ATF7IP: variants seen among roughly 807,000 people sequenced by gnomAD.
The protein encoded by ATF7IP is activating transcription factor 7 interacting protein.
In ATF7IP, 23 loss-of-function variants were observed where a neutral mutation model predicts 106.4. The observed-to-expected ratio is 0.22, with a 90% CI of 0.16 to 0.31. The LOEUF is 0.31. ATF7IP is among the 10% of genes least tolerant of loss of function. The pLI is 1.00. For missense variants in ATF7IP, 1,334 were observed against 1,524.3 expected (o/e 0.88, Z 2.08); for synonymous variants, 542 against 539.0 (o/e 1.01, Z -0.08).
chr12:14,446,356 C>T (rs765893972), intron 5 of ATF7IP, among the ~76,000 whole-genome samples: 6 of 152,232 alleles, frequency 3.9e-5, no homozygotes, highest in Non-Finnish European at 7.4e-5. Context: ...CCATTTTGGC[C>T]AGGCTGGTCT....
chr12:14,385,746 T>C (rs780760764), intron 1 of ATF7IP, among the ~76,000 whole-genome samples: 1 of 152,112 alleles, frequency 6.6e-6, no homozygotes, highest in East Asian at 1.9e-4. Flanking sequence ...ATTATCTGAA[T>C]AGATTTTTTT....
chr12:14,433,634 C>T (rs957954938), intron 2 of ATF7IP, among the ~76,000 whole-genome samples: 1 of 151,268 alleles, frequency 6.6e-6, no homozygotes, highest in African/African-American at 2.4e-5. Flanking sequence ...CGCCCCACTG[C>T]ACTCCAGCCT....
chr12:14,413,936 TA>T (rs1941062130), intron 1 of ATF7IP, among the ~76,000 whole-genome samples: 1 of 152,180 alleles, frequency 6.6e-6, no homozygotes, highest in African/African-American at 2.4e-5. Context: ...TATTTCATAA[TA>T]AAAAATTATA....
chr12:14,476,189 G>A (rs1228456495), intron 11 of ATF7IP: 9 of 408,122 alleles, frequency 2.2e-5, no homozygotes, highest in East Asian at 4.9e-5. Flanking sequence ...CAGGAGGATC[G>A]AGGCAAGAGG....
chr12:14,405,191 GT>G (rs1940493670), intron 1 of ATF7IP, among the ~76,000 whole-genome samples: 1 of 151,758 alleles, frequency 6.6e-6, no homozygotes. Flanking sequence ...TATCAAAAGT[GT>G]AAGTTTCTTT....
chr12:14,376,966 C>T (rs1046143941), intron 1 of ATF7IP, among the ~76,000 whole-genome samples: 1 of 151,856 alleles, frequency 6.6e-6, no homozygotes, highest in African/African-American at 2.4e-5. Context: ...CCCTGTCATA[C>T]CTAATTAAAG....
chr12:14,478,459 C>G lies in ATF7IP; in HGVS notation c.3084C>G (p.His1028Gln), dbSNP rs1170477878. The change falls in exon 12 of 15, where the codon CAC (histidine) becomes CAG (glutamine). Residue 1028 changes from histidine (H) to glutamine (Q), a missense_variant. Physicochemically the swap from His to Gln is conservative, Grantham distance 24. Transcript: ENST00000261168. ...PTSGPSQTTIHLLPTAPTTVN... is the reference protein window; with the variant it reads ...PTSGPSQTTIQLLPTAPTTVN... ...GTGGACCATCTCAGACCACCATACA[C>G]TTACTACCTACAGGTAAATTTGTTG... 2 of 1,613,994 alleles carry G rather than the reference C, an allele frequency of 1.2e-6. No individual in the cohort carries two copies. The highest frequency in any genetic ancestry group is 1.7e-6 in the Non-Finnish European group (2 of 1,179,908).
At chr12:14,415,587 ACAGG>A (rs1438369707) in intron 1 of ATF7IP, among the ~76,000 whole-genome samples, 1 of 152,130 alleles carries the variant, frequency 6.6e-6, no homozygotes, top group African/African-American at 2.4e-5. Flanking sequence ...TTGGTCGGTG[ACAGG>A]CAGAGGGGTT....
At chr12:14,469,549 A>G (rs1943961261) in intron 10 of ATF7IP, among the ~76,000 whole-genome samples, 1 of 151,950 alleles carries the variant, frequency 6.6e-6, no homozygotes, top group Non-Finnish European at 1.5e-5. Context: ...TTTTATTACT[A>G]TATATCATTT....
chr12:14,390,081 C>T lies in ATF7IP; in HGVS notation c.-8+24254C>T, dbSNP rs12299747. On this transcript the variant is annotated intron_variant, in intron 1 of 14. Transcript: ENST00000261168. ...TCAGATAGGGCCTTCTCTTGCCCAC[C>T]TCTGGTCCTCTTCACTGAATCACGT... Among the ~76,000 whole-genome samples the T allele has an allele frequency of 5.9e-3, 904 of 152,326 alleles. 9 individuals carry two copies. Among genetic ancestry groups the T allele is most frequent in the African/African-American group, 0.02 (824 of 41,570 alleles).
chr12:14,385,465 A>G, intron 1 of ATF7IP: 1 of 1,429,524 alleles, frequency 7.0e-7, no homozygotes, highest in Admixed American at 2.1e-5. Context: ...AAGGAATTTA[A>G]CTGAGTTTAC....
intron 9 of ATF7IP, among the ~76,000 whole-genome samples, chr12:14,465,124 G>A (rs529452308): frequency 6.6e-6 from 1 of 152,188 alleles, no homozygotes; most frequent in Non-Finnish European, 1.5e-5. Flanking sequence ...GCTGAGACGT[G>A]AGAATCTCGA....
intron 13 of ATF7IP, among the ~76,000 whole-genome samples, chr12:14,489,027 C>G (rs908356106): frequency 1.3e-5 from 2 of 152,174 alleles, no homozygotes; most frequent in African/African-American, 2.4e-5. Context: ...TTCTACTACC[C>G]ATTCTGTATT....
At chr12:14,415,797 C>A (rs1040895979) in intron 1 of ATF7IP, among the ~76,000 whole-genome samples, 1 of 151,176 alleles carries the variant, frequency 6.6e-6, no homozygotes. Context: ...TTTACATAGC[C>A]TTTATGTTAT....
chr12:14,396,061 C>G (rs1408468542), intron 1 of ATF7IP, among the ~76,000 whole-genome samples: 1 of 152,024 alleles, frequency 6.6e-6, no homozygotes, highest in African/African-American at 2.4e-5. Flanking sequence ...TGTATGTGTT[C>G]ATTCGTATCA....
At chr12:14,457,743 G>A (rs781172978) in intron 8 of ATF7IP, among the ~76,000 whole-genome samples, 8 of 152,072 alleles carry the variant, frequency 5.3e-5, no homozygotes, top group Admixed American at 2.0e-4. Flanking sequence ...ATTATCAGTC[G>A]AAATGAAGTA....
At position 14,463,960 on chromosome 12, in the gene ATF7IP, C is replaced by T. The variant is rs148100670; in HGVS notation, c.2798-2566C>T. Among the ~76,000 whole-genome samples, 9 of 152,214 alleles carry T rather than the reference C, an allele frequency of 5.9e-5. No individual in the cohort carries two copies. The East Asian group carries it at 1.7e-3, about 29-fold the overall frequency. ...AACAGATTTGGGGGAAAGTTATATA[C>T]AATCCATATACAATGTACTCTCTCA... On this transcript the variant is annotated intron_variant, in intron 9 of 14. Transcript: ENST00000261168.
intron 13 of ATF7IP, among the ~76,000 whole-genome samples, chr12:14,485,967 T>C (rs570356540): frequency 6.6e-6 from 1 of 152,298 alleles, no homozygotes; most frequent in Non-Finnish European, 1.5e-5. Flanking sequence ...ATCTCCTCAG[T>C]ACCTCCAGGT....
intron 9 of ATF7IP, among the ~76,000 whole-genome samples, chr12:14,461,612 T>G (rs1275247961): frequency 1.3e-5 from 2 of 152,220 alleles, no homozygotes; most frequent in African/African-American, 4.8e-5. Context: ...ACATTTGCTA[T>G]AAAATGTTTG....
Sources: allele counts gnomAD v4.1 joint callset (sites outside exome capture counted in the v4.1 genomes callset), GRCh38; gene constraint gnomAD v4.1.1; transcripts MANE v1.5; gene names NCBI Gene and HGNC (gene_info 2026-07-23, HGNC 2026-07-21).